The following CSMD1 variants were observed in gnomAD, a reference collection of about 807,000 sequenced individuals.
The protein encoded by CSMD1 is CUB and sushi domain-containing protein 1.
In CSMD1, 213 loss-of-function variants were observed where a neutral mutation model predicts 417.5. The observed-to-expected ratio is 0.51, with a 90% CI of 0.46 to 0.57. CSMD1 has a LOEUF of 0.57. CSMD1 is among the 20% of genes least tolerant of loss of function. The probability of loss-of-function intolerance (pLI) is 0.00; values close to 1 mark genes in which losing one functional copy is unlikely to be tolerated. For synonymous variants in CSMD1, 2,862 were observed against 1,736.8 expected (o/e 1.65, Z -16.11); for missense variants, 6,923 against 4,529.7 (o/e 1.53, Z -15.17).
At chr8:4,026,597 G>T (rs1797077380) in intron 4 of CSMD1, among the ~76,000 whole-genome samples, 1 of 152,208 alleles carries the variant, frequency 6.6e-6, no homozygotes, top group East Asian at 1.9e-4. Context: ...TAAGGACACT[G>T]CCACTCACAG....
At chr8:4,061,199 C>T (rs1177441048) in intron 3 of CSMD1, among the ~76,000 whole-genome samples, 1 of 152,154 alleles carries the variant, frequency 6.6e-6, no homozygotes, top group South Asian at 2.1e-4. Context: ...AACATGAGCC[C>T]TTTTAGGAAC....
chr8:3,501,952 A>C (rs1281016389), intron 10 of CSMD1, among the ~76,000 whole-genome samples: 1 of 152,238 alleles, frequency 6.6e-6, no homozygotes, highest in Non-Finnish European at 1.5e-5. Context: ...AAAAGAACAC[A>C]TACAACAATC....
chr8:3,040,387 A>AATATATAT (rs35722761), intron 50 of CSMD1, among the ~76,000 whole-genome samples: 6,605 of 137,266 alleles, frequency 0.048, 194 homozygotes, highest in Non-Finnish European at 0.07. Context: ...TACACATTGA[A>AATATATAT]ATATATATAT....
At chr8:3,881,907 A>G (rs2129121503) in intron 5 of CSMD1, among the ~76,000 whole-genome samples, 1 of 152,322 alleles carries the variant, frequency 6.6e-6, no homozygotes, top group East Asian at 1.9e-4. Context: ...GTTCATACAG[A>G]AAAAGTTACC....
chr8:3,664,652 A>G (rs1210212971), intron 7 of CSMD1, among the ~76,000 whole-genome samples: 2 of 152,224 alleles, frequency 1.3e-5, no homozygotes, highest in Non-Finnish European at 2.9e-5. Context: ...GATCAGGAGC[A>G]TCTTTTCTCA....
At chr8:4,681,913 C>T (rs910348493) in intron 1 of CSMD1, among the ~76,000 whole-genome samples, 3 of 152,158 alleles carry the variant, frequency 2.0e-5, no homozygotes, top group African/African-American at 2.4e-5. Context: ...AGCCCTACCT[C>T]GTGCTTGGTC....
At chr8:3,019,290 A>C (rs1809148125) in intron 51 of CSMD1, among the ~76,000 whole-genome samples, 1 of 152,164 alleles carries the variant, frequency 6.6e-6, no homozygotes, top group Non-Finnish European at 1.5e-5. Context: ...ACAGTATACA[A>C]AGTATAAATG....
chr8:4,933,342 T>A (rs893766814), intron 1 of CSMD1, among the ~76,000 whole-genome samples: 1 of 152,200 alleles, frequency 6.6e-6, no homozygotes, highest in Non-Finnish European at 1.5e-5. Context: ...CGTTTAAATA[T>A]AGTATCCCCC....
In CSMD1 at chr8:4,330,097, G is replaced by A. The variant is rs1431701559; in HGVS notation, c.415+89856C>T. 1.3e-5 allele frequency among the ~76,000 whole-genome samples: 2 copies of A among 151,698 alleles called. 1 individual carries two copies. The highest frequency in any genetic ancestry group is 1.3e-4 in the Admixed American group (2 of 15,164). The stretch of plus-strand genomic sequence containing the variant: ...ATTTCTTTAGAGCAATGCAAGAACA[G>A]TCCAATATAGTCAGCATTTGACTAC... On this transcript the variant is annotated intron_variant, in intron 3 of 69. Coordinates refer to ENST00000635120, the MANE Select transcript of CSMD1 (RefSeq NM_033225.6).
Position 4,146,594 on chromosome 8 carries a change from ATTTTTTTTTTTTTTTT to A in CSMD1, c.416-114511_416-114496del, listed in dbSNP as rs71205423. ...TCTGTCTAAATGTTTATATGGACAC[ATTTTTTTTTTTTTTTT>A]TTTTTTTTTTTTTTTTTTTGAGACA... On this transcript the variant is annotated intron_variant, in intron 3 of 69. Transcript: ENST00000635120. Among the ~76,000 whole-genome samples, 28 of 64,270 alleles carry A rather than the reference ATTTTTTTTTTTTTTTT, an allele frequency of 4.4e-4. 1 individual carries two copies. The highest frequency in any genetic ancestry group is 1.3e-3 in the African/African-American group (16 of 12,398). 42.2% of individuals were successfully genotyped at this position (64,270 alleles called of 152,430 possible). A position where few individuals can be genotyped will look rare whatever the true frequency, so the allele number is the denominator to read the frequency against.
intron 5 of CSMD1, among the ~76,000 whole-genome samples, chr8:3,766,646 C>G (rs1488936377): frequency 6.6e-6 from 1 of 151,794 alleles, no homozygotes; most frequent in East Asian, 1.9e-4. Context: ...AGTCGATACT[C>G]AAAGACTGAT....
intron 3 of CSMD1, among the ~76,000 whole-genome samples, chr8:4,344,989 G>A (rs974539493): frequency 7.4e-5 from 11 of 149,412 alleles, no homozygotes; most frequent in African/African-American, 1.5e-4. Flanking sequence ...AAAACAAATG[G>A]CTAGCCAATG....
intron 2 of CSMD1, among the ~76,000 whole-genome samples, chr8:4,539,279 G>A (rs886169859): frequency 6.6e-6 from 1 of 152,188 alleles, no homozygotes; most frequent in African/African-American, 2.4e-5. Flanking sequence ...CTGGAAGATA[G>A]TATGCATATG....
chr8:4,177,347 A>G (rs1798110467), intron 3 of CSMD1, among the ~76,000 whole-genome samples: 1 of 152,094 alleles, frequency 6.6e-6, no homozygotes, highest in Admixed American at 6.5e-5. Flanking sequence ...ACATAACGAA[A>G]TGACGGCAGA....
intron 46 of CSMD1, among the ~76,000 whole-genome samples, chr8:3,098,289 T>G (rs909987355): frequency 6.6e-6 from 1 of 152,238 alleles, no homozygotes; most frequent in Non-Finnish European, 1.5e-5. Context: ...GTTAAATGTG[T>G]GCTATTTATA....
intron 10 of CSMD1, among the ~76,000 whole-genome samples, chr8:3,541,942 G>A (rs1585332204): frequency 2.0e-5 from 3 of 152,066 alleles, no homozygotes; most frequent in African/African-American, 7.2e-5. Flanking sequence ...TGTACACCCA[G>A]GAGGTGGAGG....
At chr8:4,489,617 C>T (rs1347897202) in intron 2 of CSMD1, among the ~76,000 whole-genome samples, 1 of 152,116 alleles carries the variant, frequency 6.6e-6, no homozygotes, top group Non-Finnish European at 1.5e-5. Context: ...TGTGGCATGG[C>T]CTGTGACTTG....
chr8:3,492,042 G>C (rs1046274697), intron 11 of CSMD1, among the ~76,000 whole-genome samples: 3 of 152,180 alleles, frequency 2.0e-5, no homozygotes, highest in Non-Finnish European at 4.4e-5. Context: ...TGAGGAAAAG[G>C]ATTAATCAGT....
At chr8:3,450,541 T>A (rs1433675730) in intron 12 of CSMD1, among the ~76,000 whole-genome samples, 1 of 150,246 alleles carries the variant, frequency 6.7e-6, no homozygotes, top group Non-Finnish European at 1.5e-5. Flanking sequence ...AATTCCCACC[T>A]ATCAATGAGA....
Sources: allele counts gnomAD v4.1 joint callset (sites outside exome capture counted in the v4.1 genomes callset), GRCh38; gene constraint gnomAD v4.1.1; transcripts MANE v1.5; gene names NCBI Gene and HGNC (gene_info 2026-07-23, HGNC 2026-07-21).